Variants in ROBO2 observed in about 807,000 individuals in gnomAD.
ROBO2 encodes the protein roundabout guidance receptor 2, also known as roundabout homolog 2.
A neutral mutation model predicts 160.8 loss-of-function variants in ROBO2; 53 were observed. The observed-to-expected ratio is 0.33, with a 90% CI of 0.26 to 0.41. ROBO2 has a LOEUF of 0.41. Among genes scored for constraint, ROBO2 ranks in the 10% least tolerant of loss-of-function variants. ROBO2 has a pLI of 1.00. For synonymous variants in ROBO2, 664 were observed against 611.7 expected, an observed-to-expected ratio of 1.09 and a Z score of -1.26; for missense variants, 1,577 against 1,722.4, an observed-to-expected ratio of 0.92 and a Z score of 1.49.
chr3:76,247,334 C>G (rs1171673103), intron 2 of ROBO2, among the ~76,000 whole-genome samples: 1 of 152,110 alleles, frequency 6.6e-6, no homozygotes, highest in Non-Finnish European at 1.5e-5. Context: ...TCTTCCCAAA[C>G]CTCCCCACAT....
chr3:77,062,710 T>C (rs1270343358), intron 1 of ROBO2, among the ~76,000 whole-genome samples: 4 of 152,134 alleles, frequency 2.6e-5, no homozygotes, highest in Non-Finnish European at 5.9e-5. Flanking sequence ...TGCAAGGTAC[T>C]TAGCACTCCA....
At chr3:77,564,769 C>T (rs915336813) in intron 11 of ROBO2, among the ~76,000 whole-genome samples, 185 bp from the exon 13 acceptor site, 65 of 151,692 alleles carry the variant, frequency 4.3e-4, no homozygotes, top group Admixed American at 2.7e-3. Flanking sequence ...TAGGTGGGCT[C>T]GGCTTTGTTG....
At chr3:76,959,776 A>T (rs556571122) in intron 2 of ROBO2, among the ~76,000 whole-genome samples, 6 of 152,112 alleles carry the variant, frequency 3.9e-5, no homozygotes, top group African/African-American at 1.4e-4. Flanking sequence ...TTCAAACTCA[A>T]TTCTTTATTT....
intron 2 of ROBO2, among the ~76,000 whole-genome samples, chr3:77,288,227 G>A (rs1211657715): frequency 2.0e-5 from 3 of 152,168 alleles, no homozygotes; most frequent in East Asian, 3.9e-4. Context: ...CAGAGGAACC[G>A]TTGTTAGTGA....
Position 76,226,039 on chromosome 3 carries a change from G to C in ROBO2, c.109+288437G>C, listed in dbSNP as rs768696861. On this transcript the variant is annotated intron_variant, in intron 2 of 26. Transcript: ENST00000487694. ...AAATAACAGTGCATTTTTAATTTAGGCCTCTAAAATAAATAGCTTATCCTG... is the reference window on the plus strand; with the variant it reads ...AAATAACAGTGCATTTTTAATTTAGCCCTCTAAAATAAATAGCTTATCCTG... 3.2e-4 allele frequency among the ~76,000 whole-genome samples: 49 copies of C among 152,118 alleles called. No individual in the cohort carries two copies. The Middle Eastern group carries it at 0.01, about 32-fold the overall frequency.
intron 6 of ROBO2, among the ~76,000 whole-genome samples, chr3:77,535,384 T>C (rs574656161): frequency 6.6e-6 from 1 of 152,160 alleles, no homozygotes; most frequent in African/African-American, 2.4e-5. Flanking sequence ...TGAAGAGCCA[T>C]TTTAAGCTAT....
At chr3:75,935,151 T>G (rs1947714442) in intron 1 of ROBO2, among the ~76,000 whole-genome samples, 1 of 152,196 alleles carries the variant, frequency 6.6e-6, no homozygotes, top group Admixed American at 6.5e-5. Flanking sequence ...ATTATATCAG[T>G]AATTTAAACC....
chr3:76,038,807 T>C (rs555490773), intron 2 of ROBO2, among the ~76,000 whole-genome samples: 1,578 of 151,910 alleles, frequency 0.01, 56 homozygotes, highest in African/African-American at 0.035. Flanking sequence ...TGTGTGTGTG[T>C]GTGTGTGTTT....
chr3:76,920,428 GT>G (rs2076585448), intron 2 of ROBO2, among the ~76,000 whole-genome samples: 1 of 152,156 alleles, frequency 6.6e-6, no homozygotes, highest in Non-Finnish European at 1.5e-5. Context: ...AAACAGCTAA[GT>G]TTTTATTGTA....
intron 12 of ROBO2, among the ~76,000 whole-genome samples, chr3:77,566,861 G>A (rs2093497688): frequency 6.6e-6 from 1 of 151,968 alleles, no homozygotes; most frequent in Non-Finnish European, 1.5e-5. Flanking sequence ...TTTGCAATCT[G>A]CAAAGCATTT....
intron 2 of ROBO2, among the ~76,000 whole-genome samples, chr3:76,911,134 C>T (rs972256007): frequency 6.6e-6 from 1 of 152,120 alleles, no homozygotes; most frequent in Admixed American, 6.5e-5. Context: ...AAGTATGGTA[C>T]TTGGTGGTAA....
intron 2 of ROBO2, among the ~76,000 whole-genome samples, chr3:76,799,260 A>G (rs1171912181): frequency 6.6e-6 from 1 of 152,042 alleles, no homozygotes; most frequent in African/African-American, 2.4e-5. Flanking sequence ...TAACAGACTC[A>G]TAGCTGGTAT....
At chr3:76,836,970 T>C (rs893808102) in intron 2 of ROBO2, among the ~76,000 whole-genome samples, 1 of 151,844 alleles carries the variant, frequency 6.6e-6, no homozygotes, top group Admixed American at 6.6e-5. Flanking sequence ...CAGTTACTTT[T>C]TTAAAGGGGC....
chr3:76,555,416 A>AG (rs2083702423), intron 2 of ROBO2, among the ~76,000 whole-genome samples: 2 of 56,696 alleles, frequency 3.5e-5, no homozygotes, highest in African/African-American at 6.0e-5. Context: ...AAGAAGAAGA[A>AG]GAAAGAAGGA....
chr3:75,945,282 G>A (rs1331223443), intron 2 of ROBO2, among the ~76,000 whole-genome samples: 1 of 152,074 alleles, frequency 6.6e-6, no homozygotes, highest in Admixed American at 6.6e-5. Context: ...TTTTGATAGG[G>A]TAATTTTTAA....
intron 2 of ROBO2, among the ~76,000 whole-genome samples, chr3:76,248,392 CA>C (rs1466503508): frequency 2.7e-4 from 40 of 148,064 alleles, no homozygotes; most frequent in Middle Eastern, 3.5e-3. Flanking sequence ...ATCGCAAGAA[CA>C]AAAAACCAAA....
chr3:77,000,581 C>CT lies in ROBO2; in HGVS notation c.110-97426dup, dbSNP rs1553723048. On this transcript the variant is annotated intron_variant, in intron 2 of 26. Transcript: ENST00000487694. ...TTATAGGTAGCTGGCATTTTCATGA[C>CT]TTTTTTTCTAAGCATGGCTTCTTCA... Among the ~76,000 whole-genome samples, 47 of 151,882 alleles carry CT rather than the reference C, an allele frequency of 3.1e-4. 1 individual carries two copies. Among genetic ancestry groups the CT allele is most frequent in the Non-Finnish European group, 6.5e-4 (44 of 67,974 alleles).
At chr3:76,850,504 T>C (rs968270132) in intron 2 of ROBO2, among the ~76,000 whole-genome samples, 3 of 152,118 alleles carry the variant, frequency 2.0e-5, no homozygotes, top group Admixed American at 6.5e-5. Flanking sequence ...ATTCTCCCAG[T>C]CTTCCAAACT....
At chr3:77,420,339 G>A (rs1293863042) in intron 2 of ROBO2, among the ~76,000 whole-genome samples, 1 of 151,766 alleles carries the variant, frequency 6.6e-6, no homozygotes. Context: ...CTGAATGTGT[G>A]TATGCATATG....
Sources: gnomAD v4.1 joint callset for allele counts (sites outside exome capture counted in the v4.1 genomes callset) on GRCh38, gnomAD v4.1.1 for gene constraint, MANE v1.5 for transcripts, NCBI Gene and HGNC (gene_info 2026-07-23, HGNC 2026-07-21) for gene names.